TPM3: variants seen among roughly 807,000 people sequenced by gnomAD.
The protein encoded by TPM3 is tropomyosin 3.
Under a neutral mutation model 43.1 loss-of-function variants are expected in TPM3, and 16 were observed. The observed-to-expected ratio is 0.37, with a 90% CI of 0.25 to 0.56. The LOEUF is 0.56. TPM3 is among the 20% of genes least tolerant of loss of function. The pLI is 0.77. For synonymous variants in TPM3, 101 were observed against 116.9 expected, an observed-to-expected ratio of 0.86 and a Z score of 0.88; for missense variants, 176 against 337.2, an observed-to-expected ratio of 0.52 and a Z score of 3.74.
At chr1:154,155,697 T>C, downstream of TPM3, 1 of 229,382 alleles carries the variant, frequency 4.4e-6, no homozygotes, top group East Asian at 6.3e-5. Flanking sequence ...TACAGTTGGT[T>C]AAAACCACGC....
downstream of TPM3, chr1:154,157,536 A>G (rs965567710): frequency 1.3e-6 from 1 of 765,318 alleles, no homozygotes; most frequent in East Asian, 2.4e-5. Context: ...GCAGCCTTCC[A>G]GTTAAAGATC....
At position 154,167,960 on chromosome 1, in the gene TPM3, T is replaced by TACTCTAGGTGAGAAGGAG. The variant is rs1558038076; in HGVS notation, c.855-21_855-20insCTCCTTCTCACCTAGAGT. 2 of 1,613,548 alleles carry TACTCTAGGTGAGAAGGAG rather than the reference T, an allele frequency of 1.2e-6. No homozygotes were observed. ...AATTATCTGTATGAAAAAGTAAGGA[T>TACTCTAGGTGAGAAGGAG]ACTCTAGGTGAGAAGGACTAGCATC... On this transcript the variant is annotated intron_variant, in intron 9 of 9. Transcript: ENST00000651641.
downstream of TPM3, chr1:154,159,035 G>A (rs745793589): frequency 2.6e-6 from 2 of 780,672 alleles, no homozygotes; most frequent in Non-Finnish European, 4.8e-6. Flanking sequence ...GCTCAAGTTG[G>A]CTGTAGAGAC....
At position 154,171,599 on chromosome 1, in the gene TPM3, G is replaced by A. The variant is rs576713663; in HGVS notation, c.567-111C>T. On this transcript the variant is annotated intron_variant, in intron 5 of 9. Coordinates refer to ENST00000651641, the MANE Select transcript of TPM3 (RefSeq NM_152263.4). ...AACCTATATGTAGAGAGAGTTGGAA[G>A]GCATACTGGGGAAGAGATGTTCCCA... The A allele has an allele frequency of 5.2e-6, 6 of 1,156,060 alleles. No homozygotes were observed. The South Asian group carries it at 7.6e-5, about 15-fold the overall frequency. The allele number at this position is 1,156,060 out of a possible 1,614,324, so 71.6% of individuals were successfully genotyped here.
rs1304954089 is a variant in TPM3, at chr1:154,164,290, T to G, written c.*3647A>C. Among the ~76,000 whole-genome samples the G allele has an allele frequency of 1.3e-5, 2 of 152,066 alleles. No individual in the cohort carries two copies. Reference sequence around the variant, plus strand: ...GATCCTCTGGCTTCGGCCCTCCAAGTAGATAGGACTGCAGGCACGCACCAC... The same window carrying G: ...GATCCTCTGGCTTCGGCCCTCCAAGGAGATAGGACTGCAGGCACGCACCAC... On this transcript the variant is annotated 3_prime_UTR_variant, in exon 10 of 10. Coordinates refer to ENST00000651641, the MANE Select transcript of TPM3 (RefSeq NM_152263.4).
chr1:154,183,506 A>G (rs1663215789), intron 2 of TPM3: 1 of 386,278 alleles, frequency 2.6e-6, no homozygotes, highest in Non-Finnish European at 4.9e-6. Context: ...CTGACCTTAC[A>G]CTCCCGCAAT....
downstream of TPM3, chr1:154,158,952 T>A: frequency 1.3e-6 from 1 of 780,076 alleles, no homozygotes; most frequent in South Asian, 1.3e-5. Context: ...TTAATGGGCA[T>A]CATTGAGCCC....
chr1:154,184,028 T>C (rs1415791951), intron 2 of TPM3, among the ~76,000 whole-genome samples: 1 of 151,832 alleles, frequency 6.6e-6, no homozygotes, highest in Non-Finnish European at 1.5e-5. Context: ...TCAGGCTCCC[T>C]GTTATTTTAT....
downstream of TPM3, chr1:154,158,745 C>A: frequency 1.9e-6 from 1 of 536,968 alleles, no homozygotes; most frequent in Non-Finnish European, 3.4e-6. Flanking sequence ...ATCTCTCAGG[C>A]CCCTCCCTTC....
chr1:154,161,213 T>C (rs2148195319), downstream of TPM3, among the ~76,000 whole-genome samples: 1 of 148,198 alleles, frequency 6.7e-6, no homozygotes, highest in South Asian at 2.2e-4. Context: ...CTCAAAACTA[T>C]ACTAATGGTA....
chr1:154,170,936 G>C (rs1002001719), intron 6 of TPM3: 11 of 586,016 alleles, frequency 1.9e-5, no homozygotes, highest in Non-Finnish European at 2.7e-5. Context: ...GACTTTTTAA[G>C]ATGGATCTAA....
At chr1:154,161,617 T>C (rs987740413), downstream of TPM3, among the ~76,000 whole-genome samples, 8 of 151,880 alleles carry the variant, frequency 5.3e-5, no homozygotes, top group African/African-American at 1.9e-4. Flanking sequence ...TGCATTTTTT[T>C]TTTTTAGTAG....
downstream of TPM3, among the ~76,000 whole-genome samples, chr1:154,160,930 A>C (rs1409612969): frequency 6.6e-6 from 1 of 151,998 alleles, no homozygotes; most frequent in African/African-American, 2.4e-5. Context: ...ACAAGGTCTT[A>C]CTGTGTTGTC....
intron 8 of TPM3, 129 bp downstream of exon 8, chr1:154,170,271 A>G (rs1661420405): frequency 2.1e-6 from 2 of 950,904 alleles, no homozygotes; most frequent in South Asian, 1.3e-5. Context: ...GGCATAGGAC[A>G]GTGCACATGA....
intron 1 of TPM3, 197 bp downstream of exon 1, chr1:154,191,705 A>T: frequency 6.6e-7 from 1 of 1,514,346 alleles, no homozygotes; most frequent in South Asian, 1.3e-5. Flanking sequence ...ACTGTGGCTC[A>T]CTGACTTTCC....
At chr1:154,187,361 T>G in intron 2 of TPM3, 1 of 984,814 alleles carries the variant, frequency 1.0e-6, no homozygotes, top group Non-Finnish European at 1.2e-6. Flanking sequence ...CCTTTCTTCT[T>G]GCTTGCTCCT....
In TPM3 at chr1:154,166,401, C is replaced by T. The variant is rs1660964254; in HGVS notation, c.*1536G>A. The T allele has an allele frequency of 7.1e-6, 3 of 419,716 alleles. No individual in the cohort carries two copies. Among genetic ancestry groups the T allele is most frequent in the Admixed American group, 1.1e-4 (2 of 17,678 alleles). The allele number at this position is 419,716 out of a possible 1,614,324, so 26.0% of individuals were successfully genotyped here. A position where few individuals can be genotyped will look rare whatever the true frequency, so the allele number is the denominator to read the frequency against. On this transcript the variant is annotated 3_prime_UTR_variant, in exon 10 of 10. Coordinates refer to ENST00000651641, the MANE Select transcript of TPM3 (RefSeq NM_152263.4). ...AGGCAACCTTGTTGTTCTCCACTCC[C>T]AGGAGGTCACCATACTGATGCCAAA...
At chr1:154,158,040 C>T (rs549922921), downstream of TPM3, among the ~76,000 whole-genome samples, 67 of 152,322 alleles carry the variant, frequency 4.4e-4, 2 homozygotes, top group South Asian at 0.014. Context: ...ATCCACTTTT[C>T]TAGGTTTTGC....
chr1:154,190,232 G>A lies in TPM3; in HGVS notation c.243+954C>T, dbSNP rs541458330. 3.3e-5 allele frequency among the ~76,000 whole-genome samples: 5 copies of A among 152,236 alleles called. No homozygotes were observed. The South Asian group carries it at 6.2e-4, about 19-fold the overall frequency. On this transcript the variant is annotated intron_variant, in intron 2 of 9. Transcript: ENST00000651641. ...GCTGGGATTACAGGCGTGAGCCACC[G>A]CACCCAGCCCAAATATGATTTTAAA...
Sources: gnomAD v4.1 joint callset for allele counts (sites outside exome capture counted in the v4.1 genomes callset) on GRCh38, gnomAD v4.1.1 for gene constraint, MANE v1.5 for transcripts, NCBI Gene and HGNC (gene_info 2026-07-23, HGNC 2026-07-21) for gene names.